TTC39C: variants seen among roughly 807,000 people sequenced by gnomAD.
TTC39C encodes tetratricopeptide repeat protein 39C.
A neutral mutation model predicts 76.3 loss-of-function variants in TTC39C; 33 were observed. The observed-to-expected ratio is 0.43, with a 90% CI of 0.33 to 0.58. The LOEUF (loss-of-function observed/expected upper bound fraction) is 0.58, where lower values mean the gene tolerates loss of function less well. TTC39C is among the 20% of genes least tolerant of loss of function. The pLI is 0.04. For missense variants in TTC39C, 595 were observed against 701.4 expected, an observed-to-expected ratio of 0.85 and a Z score of 1.71; for synonymous variants, 254 against 260.6, an observed-to-expected ratio of 0.97 and a Z score of 0.24.
intron 1 of TTC39C, among the ~76,000 whole-genome samples, chr18:24,039,908 C>T (rs1338336211): frequency 3.9e-5 from 6 of 151,948 alleles, no homozygotes; most frequent in South Asian, 2.1e-4. Flanking sequence ...TTAGATGGTG[C>T]GGCCATTCAG....
chr18:24,112,717 G>A (rs1406764531), intron 6 of TTC39C, among the ~76,000 whole-genome samples: 2 of 152,260 alleles, frequency 1.3e-5, no homozygotes, highest in Non-Finnish European at 2.9e-5. Context: ...GGTGGTGATG[G>A]CCCATCTAGA....
chr18:24,132,009 T>A, intron 13 of TTC39C, 89 bp downstream of exon 13: 1 of 1,283,700 alleles, frequency 7.8e-7, no homozygotes, highest in Non-Finnish European at 1.1e-6. Context: ...GTTTGTGCAA[T>A]GATGTTCTGG....
intron 1 of TTC39C, among the ~76,000 whole-genome samples, chr18:23,994,904 T>A (rs58892474): frequency 0.13 from 19,988 of 151,054 alleles, 1,728 homozygotes; most frequent in Admixed American, 0.22. Context: ...TCCTTTTTTT[T>A]AAAAAAAAAT....
In TTC39C at chr18:24,080,849, A is replaced by G. The variant is rs1461225321; in HGVS notation, c.725A>G (p.Asn242Ser). 2.5e-6 allele frequency: 4 copies of G among 1,613,934 alleles called. No homozygotes were observed. The highest frequency in any genetic ancestry group is 2.7e-5 in the African/African-American group (2 of 74,886). The change falls in exon 5 of 14, where the codon AAC (asparagine) becomes AGC (serine). Residue 242 changes from asparagine to serine, a missense_variant. Coordinates refer to ENST00000317571, the MANE Select transcript of TTC39C (RefSeq NM_001135993.2). Reference sequence around the variant, plus strand: ...CCCCCAAACCTGCTCAAAATCATCAACCTGCTGGGTTTTCCTGGAGACCGC... The same window carrying G: ...CCCCCAAACCTGCTCAAAATCATCAGCCTGCTGGGTTTTCCTGGAGACCGC... ...MVPPNLLKII[N>S]LLGFPGDRLQ...
intron 5 of TTC39C, among the ~76,000 whole-genome samples, chr18:24,081,715 TAATC>T (rs1170094873): frequency 3.3e-5 from 5 of 152,194 alleles, no homozygotes; most frequent in Admixed American, 3.3e-4. Flanking sequence ...TGTTAACTCT[TAATC>T]AACTGATAGC....
intron 3 of TTC39C, 61 bp from the exon 4 acceptor site, chr18:24,069,096 T>C: frequency 7.5e-7 from 1 of 1,325,380 alleles, no homozygotes; most frequent in Non-Finnish European, 1.1e-6. Flanking sequence ...CTGATACTGT[T>C]TGGGGGAACT....
chr18:24,117,794 G>A (rs1482087874), intron 7 of TTC39C, among the ~76,000 whole-genome samples: 1 of 151,894 alleles, frequency 6.6e-6, no homozygotes, highest in African/African-American at 2.4e-5. Flanking sequence ...TTGCACCTGT[G>A]TGTACTCTTG....
chr18:23,996,604 C>T (rs1383792460), intron 1 of TTC39C, among the ~76,000 whole-genome samples: 2 of 152,196 alleles, frequency 1.3e-5, no homozygotes, highest in Non-Finnish European at 2.9e-5. Flanking sequence ...TGTGTATGTG[C>T]ATGTGTGCAC....
intron 6 of TTC39C, among the ~76,000 whole-genome samples, chr18:24,084,123 T>C (rs578105931): frequency 6.6e-6 from 1 of 152,318 alleles, no homozygotes; most frequent in South Asian, 2.1e-4. Flanking sequence ...CTGAAGACCA[T>C]GCAGAGCAGT....
In TTC39C at chr18:23,997,735, G is replaced by A. The variant is rs139699887; in HGVS notation, c.-17+4697G>A. Among the ~76,000 whole-genome samples the A allele has an allele frequency of 3.8e-3, 494 of 130,910 alleles. 3 individuals are homozygous for A. The highest frequency in any genetic ancestry group is 0.013 in the African/African-American group (467 of 34,694). The allele number at this position is 130,910 out of a possible 152,430, so 85.9% of individuals were successfully genotyped here. ...GAAAGAAAGAAAGAAACCAAAACAG[G>A]CATAGTGGCATGTGCCTGTAATTTC... On this transcript the variant is annotated intron_variant, in intron 1 of 13. Transcript: ENST00000304621.
intron 6 of TTC39C, among the ~76,000 whole-genome samples, chr18:24,095,254 T>A (rs896877678): frequency 6.6e-6 from 1 of 152,228 alleles, no homozygotes; most frequent in Non-Finnish European, 1.5e-5. Flanking sequence ...AGAGTTAGGA[T>A]CTTGCTCTGG....
chr18:24,058,436 C>A (rs934343593), intron 1 of TTC39C, among the ~76,000 whole-genome samples: 1 of 152,182 alleles, frequency 6.6e-6, no homozygotes, highest in Non-Finnish European at 1.5e-5. Flanking sequence ...AGGTGGATCA[C>A]TTGAAGTCTG....
intron 6 of TTC39C, among the ~76,000 whole-genome samples, chr18:24,097,245 T>C (rs1179483677): frequency 3.9e-5 from 6 of 152,194 alleles, no homozygotes. Flanking sequence ...CAAAATGCCT[T>C]GAGCATCCCA....
rs553606135 is a variant in TTC39C at position 24,015,896 on chromosome 18, A to C, written c.167+858A>C. On this transcript the variant is annotated intron_variant, in intron 1 of 13. Coordinates refer to ENST00000317571, the MANE Select transcript of TTC39C (RefSeq NM_001135993.2). ...ACCTGGAGTGTTTGTTCTCGGGTTG[A>C]GGAAGCAAGTTTGTGATTTGCCGTC... Among the ~76,000 whole-genome samples, 6 of 152,156 alleles carry C rather than the reference A, an allele frequency of 3.9e-5. No homozygotes were observed. In the East Asian group the frequency reaches 1.2e-3, roughly 29 times the overall value.
At chr18:24,093,689 TC>T (rs1315128177) in intron 6 of TTC39C, among the ~76,000 whole-genome samples, 1 of 152,220 alleles carries the variant, frequency 6.6e-6, no homozygotes, top group East Asian at 1.9e-4. Context: ...TTTTTTGGTT[TC>T]CCAGTGCATA....
intron 1 of TTC39C, chr18:24,022,623 C>CT: frequency 1.0e-6 from 1 of 985,400 alleles, no homozygotes; most frequent in Non-Finnish European, 1.2e-6. Context: ...AGATTGCACT[C>CT]TGACACCCAG....
chr18:24,130,085 T>C (rs563666845), intron 11 of TTC39C, among the ~76,000 whole-genome samples: 115 of 152,116 alleles, frequency 7.6e-4, no homozygotes, highest in Middle Eastern at 3.4e-3. Context: ...CCTGGAAAAA[T>C]AGTAGCACAA....
chr18:24,038,016 C>T (rs916796695), intron 1 of TTC39C, among the ~76,000 whole-genome samples: 11 of 152,198 alleles, frequency 7.2e-5, no homozygotes, highest in Non-Finnish European at 1.3e-4. Context: ...TGCTATGCTA[C>T]GCATCCTTAT....
chr18:24,100,444 T>A (rs921263916), intron 6 of TTC39C, among the ~76,000 whole-genome samples: 31 of 152,210 alleles, frequency 2.0e-4, no homozygotes, highest in Admixed American at 8.5e-4. Context: ...GAGATGGGGA[T>A]CCCAGTGGTA....
Sources: gnomAD v4.1 joint callset for allele counts (sites outside exome capture counted in the v4.1 genomes callset) on GRCh38, gnomAD v4.1.1 for gene constraint, MANE v1.5 for transcripts, NCBI Gene and HGNC (gene_info 2026-07-23, HGNC 2026-07-21) for gene names.